Variants in PLA2G4F observed in about 807,000 individuals in gnomAD.
PLA2G4F encodes cytosolic phospholipase A2 zeta.
A neutral mutation model predicts 103.1 loss-of-function variants in PLA2G4F; 105 were observed. The observed-to-expected ratio is 1.02, with a 90% CI of 0.87 to 1.20. The LOEUF (loss-of-function observed/expected upper bound fraction) is 1.20. Ranked by LOEUF, PLA2G4F falls within the 50% of genes most tolerant of loss-of-function variation. PLA2G4F has a pLI of 0.00. For synonymous variants in PLA2G4F, 468 were observed against 441.1 expected (o/e 1.06, Z -0.76); for missense variants, 1,155 against 1,075.9 (o/e 1.07, Z -1.03).
Position 42,154,392 on chromosome 15 carries a change from C to A in PLA2G4F, c.251G>T (p.Arg84Met), listed in dbSNP as rs771168973. 1 of 1,612,052 alleles carries A rather than the reference C, an allele frequency of 6.2e-7. No homozygotes were observed. Among genetic ancestry groups the A allele is most frequent in the Non-Finnish European group, 8.5e-7 (1 of 1,178,622 alleles). The change falls in exon 3 of 20, where the codon AGG becomes ATG. Residue 84 changes from arginine (R) to methionine (M), a missense_variant. Physicochemically the swap from Arg to Met is moderately conservative, Grantham distance 91 (BLOSUM62 -1). This residue lies in a region of PLA2G4F where 370 missense variants were observed against 364.9 expected (regional missense o/e 1.01). Coordinates refer to ENST00000397272, the MANE Select transcript of PLA2G4F (RefSeq NM_213600.4). ...PTASPSPAQTRIVANCSDPEW... is the reference protein window; with the variant it reads ...PTASPSPAQTMIVANCSDPEW... ...GGGGTCACTGCAGTTGGCCACTATC[C>A]TAGTCTGGGCAGGGCTTGGGGACGC...
intron 13 of PLA2G4F, 176 bp downstream of exon 13, chr15:42,146,948 T>TAGG: frequency 1.6e-6 from 1 of 626,976 alleles, no homozygotes; most frequent in African/African-American, 1.8e-5. Flanking sequence ...GGTTAGGAGC[T>TAGG]AGGGAGGCAA....
intron 6 of PLA2G4F, 28 bp downstream of exon 6, chr15:42,153,272 C>A (rs1430036790): frequency 1.9e-6 from 3 of 1,611,630 alleles, no homozygotes; most frequent in Non-Finnish European, 2.5e-6. Context: ...CAGCCCAGAA[C>A]AGCGCCAAGC....
At position 42,155,320 on chromosome 15, in the gene PLA2G4F, G is replaced by A. The variant is rs536883772; in HGVS notation, c.184+197C>T. Among the ~76,000 whole-genome samples, 9 of 151,284 alleles carry A rather than the reference G, an allele frequency of 5.9e-5. No individual in the cohort carries two copies. The South Asian group carries it at 1.7e-3, about 28-fold the overall frequency. ...CGCACTCACACACACGTATACACAT[G>A]TACTCACACTTGCACTCACACATAC... On this transcript the variant is annotated intron_variant, in intron 2 of 19. Transcript: ENST00000397272.
intron 13 of PLA2G4F, chr15:42,146,628 C>G: frequency 4.1e-6 from 1 of 241,668 alleles, no homozygotes; most frequent in Admixed American, 5.0e-5. Context: ...GATATCCACC[C>G]ACAACTGATC....
chr15:42,152,708 G>A lies in PLA2G4F; in HGVS notation c.581C>T (p.Thr194Ile). 1 of 1,557,700 alleles carries A rather than the reference G, an allele frequency of 6.4e-7. No individual in the cohort carries two copies. The highest frequency in any genetic ancestry group is 8.7e-7 in the Non-Finnish European group (1 of 1,150,034). ...RIQGTLRGDG[T>I]APREEYGSRQ... is the part of the protein sequence containing the mutation. Reference sequence around the variant, plus strand: ...CTCACCGTACTCTTCCCGTGGGGCTGTCCCATCTCCCCGGAGCGTGCCCTG... The same window carrying A: ...CTCACCGTACTCTTCCCGTGGGGCTATCCCATCTCCCCGGAGCGTGCCCTG... The change falls in exon 7 of 20, where the codon ACA (threonine) becomes ATA (isoleucine). Residue 194 changes from threonine to isoleucine, a missense_variant. By Grantham distance (89) the Thr-to-Ile change is moderately conservative (BLOSUM62 -1). Around this residue, in one of 3 missense-constraint regions of PLA2G4F, gnomAD observed 370 missense variants for 364.9 expected, o/e 1.01. Coordinates refer to ENST00000397272, the MANE Select transcript of PLA2G4F (RefSeq NM_213600.4).
intron 6 of PLA2G4F, among the ~76,000 whole-genome samples, 200 bp downstream of exon 6, chr15:42,153,100 T>G (rs1356165777): frequency 6.6e-6 from 1 of 151,860 alleles, no homozygotes; most frequent in Non-Finnish European, 1.5e-5. Flanking sequence ...TGTGTGGGAG[T>G]AGGAGGCTGA....
Position 42,142,597 on chromosome 15 carries a change from C to T in PLA2G4F, c.2260G>A (p.Asp754Asn), listed in dbSNP as rs779506232. 2 of 1,614,152 alleles carry T rather than the reference C, an allele frequency of 1.2e-6. No homozygotes were observed. The highest frequency in any genetic ancestry group is 8.5e-7 in the Non-Finnish European group (1 of 1,180,020). Residue 754 changes from aspartate (D) to asparagine (N), a missense_variant, in exon 19 of 20, where the codon GAC becomes AAC. By Grantham distance (23) the Asp-to-Asn change is conservative. This residue lies in a region of PLA2G4F where 782 missense variants were observed against 692.9 expected (regional missense o/e 1.13). Coordinates refer to ENST00000397272, the MANE Select transcript of PLA2G4F (RefSeq NM_213600.4). ...TGCAGCACAATGGGGGAGCGGGGGTCCTCAGCCTTGGCAAACAGATAGCAC... is the reference window on the plus strand; with the variant it reads ...TGCAGCACAATGGGGGAGCGGGGGTTCTCAGCCTTGGCAAACAGATAGCAC... ...RECYLFAKAEDPRSPIVLHFP... is the reference protein window; with the variant it reads ...RECYLFAKAENPRSPIVLHFP...
At chr15:42,154,663 A>C in intron 2 of PLA2G4F, 2 of 513,306 alleles carry the variant, frequency 3.9e-6, no homozygotes, top group Non-Finnish European at 6.5e-6. Context: ...CTGAACAGAA[A>C]TCCTGCGGCA....
Position 42,147,310 on chromosome 15 carries a change from G to A in PLA2G4F, c.1233C>T (p.Ser411=). The A allele has an allele frequency of 6.2e-7, 1 of 1,609,604 alleles. No individual in the cohort carries two copies. Among genetic ancestry groups the A allele is most frequent in the Non-Finnish European group, 8.5e-7 (1 of 1,179,960 alleles). Residue 411 remains serine, a synonymous_variant, in exon 13 of 20, where the codon TCC becomes TCT. Coordinates refer to ENST00000397272, the MANE Select transcript of PLA2G4F (RefSeq NM_213600.4). ...ISTLYRDPAW[S]QVALQGPIER... ...CAATGGGGCCCTGCAAGGCCACCTG[G>A]GACCAGGCTGGGTCCCTGTAGAGTG...
At position 42,154,459 on chromosome 15, in the gene PLA2G4F, C is replaced by G. The variant is rs1367744021; in HGVS notation, c.185-1G>C. On this transcript the variant is annotated splice_acceptor_variant, in intron 2 of 19. Transcript: ENST00000397272. LOFTEE classifies it high-confidence loss of function. ...TGCACATAGCAGTCGGCTTTGGACA[C>G]TGCAGGTAGGACAGGGAGGGGCCGG... is the stretch of plus-strand genomic sequence containing the variant. 6.4e-7 allele frequency: 1 copy of G among 1,571,198 alleles called. No homozygotes were observed. The highest frequency in any genetic ancestry group is 1.2e-5 in the South Asian group (1 of 85,200).
intron 16 of PLA2G4F, among the ~76,000 whole-genome samples, 170 bp downstream of exon 16, chr15:42,145,405 A>G (rs1452024893): frequency 6.6e-6 from 1 of 152,094 alleles, no homozygotes; most frequent in African/African-American, 2.4e-5. Context: ...TGGCTTGATC[A>G]TACCTCTGGG....
intron 14 of PLA2G4F, 84 bp downstream of exon 14, chr15:42,146,043 C>T: frequency 6.3e-7 from 1 of 1,581,340 alleles, no homozygotes; most frequent in South Asian, 1.1e-5. Flanking sequence ...CAACCACCTC[C>T]TCTGGGTACC....
At chr15:42,145,036 C>A (rs532913037) in intron 16 of PLA2G4F, among the ~76,000 whole-genome samples, 3 of 152,280 alleles carry the variant, frequency 2.0e-5, no homozygotes, top group South Asian at 4.1e-4. Flanking sequence ...CCCAGGTGCA[C>A]GGCCTACTTG....
intron 9 of PLA2G4F, 37 bp downstream of exon 9, chr15:42,150,336 A>C: frequency 6.4e-7 from 1 of 1,569,002 alleles, no homozygotes; most frequent in Non-Finnish European, 8.7e-7. Context: ...CACAGAGAGC[A>C]GGCAGGGGTC....
At chr15:42,145,932 C>T (rs1457965385) in intron 14 of PLA2G4F, 29 bp from the exon 15 acceptor site, 2 of 1,610,574 alleles carry the variant, frequency 1.2e-6, no homozygotes, top group Non-Finnish European at 1.7e-6. Context: ...GGAAAGTCAC[C>T]AGGGGCTTCC....
chr15:42,153,335 G>A lies in PLA2G4F; in HGVS notation c.499C>T (p.Pro167Ser). 1.2e-6 allele frequency: 2 copies of A among 1,613,962 alleles called. No individual in the cohort carries two copies. The highest frequency in any genetic ancestry group is 1.1e-5 in the South Asian group (1 of 91,070). Residue 167 changes from proline (P) to serine (S), a missense_variant, in exon 6 of 20, where the codon CCT becomes TCT. By Grantham distance (74) the Pro-to-Ser change is moderately conservative (BLOSUM62 -1). Coordinates refer to ENST00000397272, the MANE Select transcript of PLA2G4F (RefSeq NM_213600.4). The stretch of plus-strand genomic sequence containing the variant: ...CCGTTGGTGATGACTTCAGATGCAG[G>A]CACCTGGCTGCAAAGGATGAGGAAT... ...VEFVLEKSQV[P>S]ASEVITNGVL...
intron 5 of PLA2G4F, 133 bp from the exon 6 acceptor site, chr15:42,153,475 C>A: frequency 6.8e-7 from 1 of 1,471,082 alleles, no homozygotes; most frequent in Non-Finnish European, 9.4e-7. Flanking sequence ...AGCCTGCCGC[C>A]CAACATGCAG....
At chr15:42,150,973 C>T in intron 7 of PLA2G4F, 196 bp from the exon 8 acceptor site, 1 of 985,410 alleles carries the variant, frequency 1.0e-6, no homozygotes, top group Non-Finnish European at 1.2e-6. Flanking sequence ...CTAGCCTGCC[C>T]TGGTCAGAAC....
chr15:42,139,880 C>G lies in PLA2G4F; in HGVS notation c.*2104G>C, dbSNP rs139210208. On this transcript the variant is annotated 3_prime_UTR_variant, in exon 20 of 20. Transcript: ENST00000397272. The stretch of plus-strand genomic sequence containing the variant: ...AGCACAAGTGGCATTGCCTACACTT[C>G]TGTGTGAGAAGGTCCCCGCCCACTC... The G allele has an allele frequency of 9.2e-5, 14 of 152,486 alleles. No individual in the cohort carries two copies. The highest frequency in any genetic ancestry group is 3.4e-4 in the African/African-American group (14 of 41,582). 9.4% of individuals were successfully genotyped at this position (152,486 alleles called of 1,614,324 possible).
Sources: gnomAD v4.1 joint callset for allele counts (sites outside exome capture counted in the v4.1 genomes callset) on GRCh38, gnomAD v4.1.1 for gene constraint, gnomAD v4.1.1 regional missense constraint, MANE v1.5 for transcripts, NCBI Gene and HGNC (gene_info 2026-07-23, HGNC 2026-07-21) for gene names.